Variants in FYB1 observed in about 807,000 individuals in gnomAD.
The protein encoded by FYB1 is FYN-binding protein 1.
In FYB1, 41 loss-of-function variants were observed where a neutral mutation model predicts 94.1. That is an observed-to-expected ratio of 0.44 (90% CI 0.34 to 0.57). The LOEUF is 0.57. Among genes scored for constraint, FYB1 ranks in the 20% least tolerant of loss-of-function variants. The pLI is 0.02. For missense variants in FYB1, 1,050 were observed against 976.8 expected, an observed-to-expected ratio of 1.07 and a Z score of -1.00; for synonymous variants, 367 against 353.2, an observed-to-expected ratio of 1.04 and a Z score of -0.44.
rs78104483 is a variant in FYB1, at chr5:39,134,533, T to C, written c.1676-184A>G. Among the ~76,000 whole-genome samples, 1,682 of 152,346 alleles carry C rather than the reference T, an allele frequency of 0.011. 79 individuals carry two copies. The East Asian group carries it at 0.15, about 13-fold the overall frequency. On this transcript the variant is annotated intron_variant, in intron 8 of 18. Transcript: ENST00000512982. ...TGTACTCTGTCAAAGTCTAATCCTGTTGTAGTTTAATGTAAGCCTACCTTC... is the reference window on the plus strand; with the variant it reads ...TGTACTCTGTCAAAGTCTAATCCTGCTGTAGTTTAATGTAAGCCTACCTTC...
chr5:39,110,286 T>C (rs1416119600), intron 17 of FYB1, 70 bp downstream of exon 17: 7 of 888,850 alleles, frequency 7.9e-6, no homozygotes, highest in Non-Finnish European at 1.1e-5. Context: ...TAAGTAATAT[T>C]ATAAATATTT....
At chr5:39,211,181 T>A (rs548131932) in intron 1 of FYB1, 1 of 152,194 alleles carries the variant, frequency 6.6e-6, no homozygotes, top group Non-Finnish European at 1.5e-5. Flanking sequence ...TTCATAGATA[T>A]CTTATTAGTG....
At position 39,127,679 on chromosome 5, in the gene FYB1, CA is replaced by C. The variant is rs1740822133; in HGVS notation, c.1907+61del. The C allele has an allele frequency of 4.7e-6, 7 of 1,477,366 alleles. No individual in the cohort carries two copies. In the East Asian group the frequency reaches 1.9e-4, roughly 39 times the overall value. The allele number at this position is 1,477,366 out of a possible 1,614,324, so 91.5% of individuals were successfully genotyped here. On this transcript the variant is annotated intron_variant, in intron 11 of 18. Coordinates refer to ENST00000512982, the MANE Select transcript of FYB1 (RefSeq NM_001465.6). ...TCCGCTTTTTATTTTAACTGGAAAT[CA>C]AAACTAAATTTCAATGTATATATAA...
chr5:39,251,311 C>T (rs112714308), intron 1 of FYB1, among the ~76,000 whole-genome samples: 129 of 152,118 alleles, frequency 8.5e-4, no homozygotes, highest in African/African-American at 2.7e-3. Context: ...CCCTATAGAC[C>T]ACACTAGGGG....
At chr5:39,147,490 G>GTC (rs1156944784) in intron 3 of FYB1, among the ~76,000 whole-genome samples, 1 of 140,906 alleles carries the variant, frequency 7.1e-6, no homozygotes, top group Non-Finnish European at 1.6e-5. Flanking sequence ...GTGTGTGTCT[G>GTC]TGTGTGTGTA....
At chr5:39,188,527 A>C (rs1579612394) in intron 2 of FYB1, among the ~76,000 whole-genome samples, 5 of 106,816 alleles carry the variant, frequency 4.7e-5, no homozygotes, top group South Asian at 2.9e-4. Context: ...AATCCTTCTC[A>C]TCAACTACAG....
chr5:39,231,684 C>T (rs1309914873), intron 1 of FYB1, among the ~76,000 whole-genome samples: 1 of 151,088 alleles, frequency 6.6e-6, no homozygotes, highest in Non-Finnish European at 1.5e-5. Context: ...TAAGGAGGTG[C>T]TCAGACACTA....
rs199923708 is a variant in FYB1 at position 39,126,121 on chromosome 5, A to T, written c.1922T>A (p.Val641Asp). Residue 641 changes from valine (V) to aspartate (D), a missense_variant, in exon 12 of 19, where the codon GTT becomes GAT. By Grantham distance (152) the Val-to-Asp change is radical. Transcript: ENST00000512982. ...GGACCACGTATTACTCTTCTCTTGA[A>T]CCTGTAGTGTGGAGCTTTGGAGCAT... Reference protein sequence around the residue: ...EDADDGSTLQVQEKSNTWSWG... With the variant: ...EDADDGSTLQDQEKSNTWSWG... 4 of 1,613,180 alleles carry T rather than the reference A, an allele frequency of 2.5e-6. No homozygotes were observed. The highest frequency in any genetic ancestry group is 3.4e-6 in the Non-Finnish European group (4 of 1,179,554).
chr5:39,258,161 G>A (rs1025153702), intron 1 of FYB1, among the ~76,000 whole-genome samples: 11 of 152,154 alleles, frequency 7.2e-5, no homozygotes, highest in Admixed American at 7.2e-4. Flanking sequence ...GGTTGGAGTA[G>A]GGGTGAAGTG....
In FYB1 at chr5:39,107,307, G is replaced by T; in HGVS notation, c.*136C>A. 1.9e-6 allele frequency: 1 copy of T among 520,058 alleles called. No individual in the cohort carries two copies. Among genetic ancestry groups the T allele is most frequent in the Non-Finnish European group, 3.3e-6 (1 of 299,692 alleles). 32.2% of individuals were successfully genotyped at this position (520,058 alleles called of 1,614,324 possible). ...GTTCAAACTTTAAACACTTTGTAAA[G>T]ATAATTGGGATTTCATAACAAATGA... On this transcript the variant is annotated 3_prime_UTR_variant, in exon 19 of 19. Coordinates refer to ENST00000512982, the MANE Select transcript of FYB1 (RefSeq NM_001465.6).
intron 2 of FYB1, among the ~76,000 whole-genome samples, chr5:39,181,383 C>CTATTT (rs1561223172): frequency 1.3e-5 from 2 of 150,952 alleles, no homozygotes; most frequent in Non-Finnish European, 3.0e-5. Flanking sequence ...TTTTGAATTT[C>CTATTT]AATTTAATTT....
intron 2 of FYB1, among the ~76,000 whole-genome samples, chr5:39,175,681 C>T (rs918191296): frequency 2.0e-5 from 3 of 152,132 alleles, no homozygotes; most frequent in South Asian, 4.1e-4. Context: ...TTCCTGGCCA[C>T]TCCTTAAAGA....
At chr5:39,127,547 A>C (rs1740807074) in intron 11 of FYB1, among the ~76,000 whole-genome samples, 194 bp downstream of exon 11, 1 of 152,068 alleles carries the variant, frequency 6.6e-6, no homozygotes, top group Admixed American at 6.6e-5. Flanking sequence ...TCTTCCAAAC[A>C]ATCAAACACT....
intron 14 of FYB1, among the ~76,000 whole-genome samples, chr5:39,120,441 G>A (rs924150933): frequency 3.3e-5 from 5 of 152,094 alleles, no homozygotes; most frequent in African/African-American, 1.2e-4. Context: ...AGTGATTTTT[G>A]TAGCCTGTCC....
Position 39,201,806 on chromosome 5 carries a change from C to T in FYB1, c.1135+20G>A, listed in dbSNP as rs1414941499. On this transcript the variant is annotated intron_variant, in intron 2 of 18. Coordinates refer to ENST00000512982, the MANE Select transcript of FYB1 (RefSeq NM_001465.6). ...CCTTGGAGTAAACCATACTGAATAG[C>T]AAACGAGAAAAGAACTCACTGTTTC... 1.1e-5 allele frequency: 18 copies of T among 1,594,656 alleles called. No homozygotes were observed. Among genetic ancestry groups the T allele is most frequent in the Non-Finnish European group, 1.5e-5 (18 of 1,168,644 alleles).
At chr5:39,198,492 T>G (rs906452319) in intron 2 of FYB1, among the ~76,000 whole-genome samples, 1 of 152,206 alleles carries the variant, frequency 6.6e-6, no homozygotes, top group African/African-American at 2.4e-5. Context: ...ATGTACATAT[T>G]AGTAATAATA....
At chr5:39,210,121 C>T (rs1179770187) in intron 1 of FYB1, among the ~76,000 whole-genome samples, 1 of 152,172 alleles carries the variant, frequency 6.6e-6, no homozygotes, top group South Asian at 2.1e-4. Context: ...GCGGAAGCAG[C>T]GGTGGTAGCC....
At chr5:39,237,903 C>G (rs1751039949) in intron 1 of FYB1, among the ~76,000 whole-genome samples, 1 of 152,052 alleles carries the variant, frequency 6.6e-6, no homozygotes, top group Non-Finnish European at 1.5e-5. Flanking sequence ...TTCGTATGAA[C>G]CTGTTTCAAT....
intron 16 of FYB1, among the ~76,000 whole-genome samples, chr5:39,111,973 G>T (rs1415528600): frequency 6.6e-6 from 1 of 151,872 alleles, no homozygotes; most frequent in African/African-American, 2.4e-5. Context: ...TGATATCACA[G>T]TTCATTTCAT....
Sources: gnomAD v4.1 joint callset for allele counts (sites outside exome capture counted in the v4.1 genomes callset) on GRCh38, gnomAD v4.1.1 for gene constraint, MANE v1.5 for transcripts, NCBI Gene and HGNC (gene_info 2026-07-23, HGNC 2026-07-21) for gene names.